Variants in MVK observed in about 807,000 individuals in gnomAD.
The protein encoded by MVK is mevalonate kinase.
MVK carries 34 observed loss-of-function variants against 43.2 expected under a neutral mutation model. The observed-to-expected ratio is 0.79, with a 90% CI of 0.60 to 1.05. MVK has a LOEUF of 1.05. MVK is among the 50% of genes least tolerant of loss of function. The pLI is 0.00. For synonymous variants in MVK, 190 were observed against 219.8 expected, an observed-to-expected ratio of 0.86 and a Z score of 1.20; for missense variants, 395 against 504.0, an observed-to-expected ratio of 0.78 and a Z score of 2.07.
At chr12:109,575,547 C>G (rs1884909403) in intron 2 of MVK, among the ~76,000 whole-genome samples, 1 of 152,012 alleles carries the variant, frequency 6.6e-6, no homozygotes, top group Non-Finnish European at 1.5e-5. Flanking sequence ...TACCACCATG[C>G]CCCACTAATT....
Position 109,573,874 on chromosome 12 carries a change from G to C in MVK, c.-15+1G>C. On this transcript the variant is annotated splice_donor_variant, in intron 1 of 10. Transcript: ENST00000228510. LOFTEE classifies it low-confidence loss of function (5UTR_SPLICE). ...GCCGGGGAGGCGGCGGCGGCGGCAG[G>C]TGAGAGGCCGGGGTCGGGCGGCCGG... The C allele has an allele frequency of 4.8e-6, 1 of 206,746 alleles. No homozygotes were observed. Among genetic ancestry groups the C allele is most frequent in the South Asian group, 7.7e-5 (1 of 12,974 alleles). The allele number at this position is 206,746 out of a possible 1,614,324, so 12.8% of individuals were successfully genotyped here.
Position 109,590,755 on chromosome 12 carries a change from C to T in MVK, c.678-16C>T, listed in dbSNP as rs368844823. On this transcript the variant is annotated splice_polypyrimidine_tract_variant and intron_variant, in intron 7 of 10. Coordinates refer to ENST00000228510, the MANE Select transcript of MVK (RefSeq NM_000431.4). ...TCTTGAGTTCAGTGTGGACCTGCCT[C>T]CTCTTCACCCTGCAGGTCGCCAGCT... 52 of 1,612,242 alleles carry T rather than the reference C, an allele frequency of 3.2e-5. No homozygotes were observed. In the African/African-American group the frequency reaches 6.7e-4, roughly 21 times the overall value.
At chr12:109,575,916 G>A in intron 2 of MVK, 82 bp from the exon 3 acceptor site, 3 of 1,548,536 alleles carry the variant, frequency 1.9e-6, no homozygotes, top group Non-Finnish European at 2.7e-6. Context: ...CTGTGCTTAT[G>A]TTTGCTCTCT....
intron 4 of MVK, among the ~76,000 whole-genome samples, chr12:109,580,510 T>A (rs908655807): frequency 1.3e-5 from 2 of 152,158 alleles, no homozygotes; most frequent in African/African-American, 2.4e-5. Flanking sequence ...GCTGGCTCAG[T>A]GGCCAGGCTC....
rs139299227 is a variant in MVK at position 109,579,833 on chromosome 12, G to A, written c.258G>A (p.Glu86=). 184 of 1,614,252 alleles carry A rather than the reference G, an allele frequency of 1.1e-4. 1 individual carries two copies. The East Asian group carries it at 4.1e-3, about 36-fold the overall frequency. The part of the protein sequence containing the change: ...EQGDVTTPTS[E]QVEKLKEVAG... ...GTGATGTCACAACACCCACCTCAGA[G>A]CAAGTGGAGAAGCTAAAGGAGGTTG... is the stretch of plus-strand genomic sequence containing the variant. The change falls in exon 4 of 11, where the codon GAG becomes GAA. Residue 86 remains glutamate (E), a synonymous_variant. Transcript: ENST00000228510.
chr12:109,591,720 C>T (rs940815044), intron 9 of MVK, among the ~76,000 whole-genome samples: 1 of 152,228 alleles, frequency 6.6e-6, no homozygotes, highest in Non-Finnish European at 1.5e-5. Flanking sequence ...ACTTCTTGGT[C>T]ACTCTCCTGC....
In MVK at chr12:109,581,501, G is replaced by A. The variant is rs200712491; in HGVS notation, c.478G>A (p.Val160Met). ...GTGTCTGGCAGCAGCCCTCCTGACT[G>A]TGTGCGAGGAGATCCCAAACCCGCT... ...SVCLAAALLT[V>M]CEEIPNPLKD... The change falls in exon 5 of 11, where the codon GTG (valine) becomes ATG (methionine). Residue 160 changes from valine to methionine, a missense_variant. Transcript: ENST00000228510. 1 of 1,614,222 alleles carries A rather than the reference G, an allele frequency of 6.2e-7. No individual in the cohort carries two copies. The highest frequency in any genetic ancestry group is 8.5e-7 in the Non-Finnish European group (1 of 1,180,026).
chr12:109,573,662 G>A (rs561340750), upstream of MVK: 41 of 736,676 alleles, frequency 5.6e-5, no homozygotes, highest in African/African-American at 5.4e-4. Context: ...GGAGCGGGGC[G>A]GGAAAACCCG....
At chr12:109,584,950 A>C (rs979803363) in intron 5 of MVK, among the ~76,000 whole-genome samples, 1 of 152,332 alleles carries the variant, frequency 6.6e-6, no homozygotes, top group African/African-American at 2.4e-5. Context: ...TCATTCTCAG[A>C]GGTCAGAAAA....
rs892496824 is a variant in MVK at position 109,595,687 on chromosome 12, C to T, written c.1039+506C>T. On this transcript the variant is annotated intron_variant, in intron 10 of 10. Transcript: ENST00000228510. The surrounding 1 kb of genome is among the most constrained non-coding windows in gnomAD (Gnocchi z 5.9). ...CAAGGGGCTTCTGCTAGTGTTTAAC[C>T]ACCTGACACCTACCTCTGCCCTCAG... Among the ~76,000 whole-genome samples the T allele has an allele frequency of 6.6e-6, 1 of 152,178 alleles. No homozygotes were observed. The highest frequency in any genetic ancestry group is 1.5e-5 in the Non-Finnish European group (1 of 68,028).
intron 5 of MVK, among the ~76,000 whole-genome samples, chr12:109,581,927 C>T (rs1167837562): frequency 6.6e-6 from 1 of 152,228 alleles, no homozygotes; most frequent in Non-Finnish European, 1.5e-5. Context: ...GTGTTCTCCT[C>T]TGTATGGTAA....
At chr12:109,588,017 G>T (rs1377970885) in intron 7 of MVK, 1 of 152,194 alleles carries the variant, frequency 6.6e-6, no homozygotes, top group African/African-American at 2.4e-5. Context: ...TTTGCACTCC[G>T]CAGAAGCCAG....
intron 8 of MVK, 75 bp from the exon 9 acceptor site, chr12:109,591,165 AC>A: frequency 7.3e-7 from 1 of 1,366,440 alleles, no homozygotes. Context: ...TCCTCCCTCC[AC>A]CCCACTGCTG....
At chr12:109,580,041 T>TAGAAGAGAGCATGTG in intron 4 of MVK, 95 bp downstream of exon 4, 1 of 1,562,416 alleles carries the variant, frequency 6.4e-7, no homozygotes, top group Non-Finnish European at 8.7e-7. Flanking sequence ...GCACATGCTC[T>TAGAAGAGAGCATGTG]CTTCTAGAGC....
intron 4 of MVK, 119 bp from the exon 5 acceptor site, chr12:109,581,276 C>T (rs1314779945): frequency 7.6e-7 from 1 of 1,311,454 alleles, no homozygotes; most frequent in Non-Finnish European, 1.1e-6. Flanking sequence ...AGGAATTCTC[C>T]CCCAGTTGAG....
chr12:109,589,558 C>G (rs944902110), intron 7 of MVK: 1 of 151,338 alleles, frequency 6.6e-6, no homozygotes, highest in African/African-American at 2.4e-5. Flanking sequence ...AAGAGAAAAG[C>G]CAAATAGAAT....
Position 109,591,285 on chromosome 12 carries a change from C to A in MVK, c.813C>A (p.Ile271=). ...VAPLLTSIDA[I]SLECERVLGE... is the part of the protein sequence containing the mutation. Reference sequence around the variant, plus strand: ...CCCTCCTGACCTCAATAGATGCCATCTCCCTGGAGTGTGAGCGCGTGCTGG... The same window carrying A: ...CCCTCCTGACCTCAATAGATGCCATATCCCTGGAGTGTGAGCGCGTGCTGG... The change falls in exon 9 of 11, where the codon ATC becomes ATA. Residue 271 remains isoleucine (I), a synonymous_variant. Transcript: ENST00000228510. 6.2e-7 allele frequency: 1 copy of A among 1,614,254 alleles called. No homozygotes were observed. The highest frequency in any genetic ancestry group is 1.1e-5 in the South Asian group (1 of 91,084).
intron 5 of MVK, 94 bp from the exon 6 acceptor site, chr12:109,585,928 C>T: frequency 1.0e-6 from 1 of 974,994 alleles, no homozygotes; most frequent in Middle Eastern, 2.8e-4. Flanking sequence ...GCCCAAGCTC[C>T]TATGCCCCTT....
upstream of MVK, chr12:109,573,504 T>C: frequency 2.5e-6 from 4 of 1,586,808 alleles, no homozygotes; most frequent in Non-Finnish European, 3.4e-6. Context: ...TGACGGGACC[T>C]GACCCCGCCA....
Sources: gnomAD v4.1 joint callset for allele counts (sites outside exome capture counted in the v4.1 genomes callset) on GRCh38, gnomAD v4.1.1 for gene constraint, Gnocchi (gnomAD v3.1) non-coding constraint, MANE v1.5 for transcripts, NCBI Gene and HGNC (gene_info 2026-07-23, HGNC 2026-07-21) for gene names.